The following MOV10 variants were observed in gnomAD, a reference collection of about 807,000 sequenced individuals.
MOV10 encodes Mov10 RNA helicase, also known as RNA helicase MOV-10.
Under a neutral mutation model 108.4 loss-of-function variants are expected in MOV10, and 39 were observed. The observed-to-expected ratio is 0.36, with a 90% confidence interval of 0.28 to 0.47. MOV10 has a LOEUF of 0.47. MOV10 is among the 20% of genes least tolerant of loss of function. The pLI is 1.00. For missense variants in MOV10, 952 were observed against 1,297.6 expected (o/e 0.73, Z 4.09); for synonymous variants, 490 against 523.1 (o/e 0.94, Z 0.86).
chr1:112,678,840 T>C (rs1017924774), intron 2 of MOV10, among the ~76,000 whole-genome samples: 3 of 152,058 alleles, frequency 2.0e-5, no homozygotes, highest in African/African-American at 7.3e-5. Flanking sequence ...AAGATCATTC[T>C]GGCTTCTGGC....
rs1425545378 is a variant in MOV10 at position 112,696,788 on chromosome 1, A to G, written c.2140A>G (p.Lys714Glu). 6.2e-7 allele frequency: 1 copy of G among 1,606,374 alleles called. No homozygotes were observed. The highest frequency in any genetic ancestry group is 2.2e-5 in the East Asian group (1 of 44,734). ...ERLLTYNSLY[K>E]KGPDGYDPQF... The stretch of plus-strand genomic sequence containing the variant: ...GCTGCTCACCTACAACTCCCTGTAC[A>G]AGAAGGGCCCTGATGGCTATGACCC... Residue 714 changes from lysine to glutamate, a missense_variant, in exon 14 of 21, where the codon AAG (lysine) becomes GAG (glutamate). Around this residue, in one of 5 missense-constraint regions of MOV10, gnomAD observed 453 missense variants for 611.5 expected, o/e 0.74. Transcript: ENST00000369645.
chr1:112,684,348 A>G (rs966170487), intron 2 of MOV10, among the ~76,000 whole-genome samples: 3 of 145,476 alleles, frequency 2.1e-5, no homozygotes, highest in African/African-American at 7.7e-5. Flanking sequence ...GCTCACTGCA[A>G]CCTCCGCCTC....
Position 112,696,129 on chromosome 1 carries a change from G to C in MOV10, c.1780-19G>C, listed in dbSNP as rs759514897. ...GAGTGGAGCCAAGCTGATTCCTCTG[G>C]TCCCTTCACAATCCACAGCCCTGCT... On this transcript the variant is annotated intron_variant, in intron 11 of 20. Transcript: ENST00000369645. 1 of 1,563,586 alleles carries C rather than the reference G, an allele frequency of 6.4e-7. No homozygotes were observed. Among genetic ancestry groups the C allele is most frequent in the African/African-American group, 1.4e-5 (1 of 73,932 alleles).
intron 6 of MOV10, 141 bp from the exon 7 acceptor site, chr1:112,692,620 T>G (rs781301878): frequency 1.1e-4 from 132 of 1,206,742 alleles, no homozygotes; most frequent in Non-Finnish European, 1.4e-4. Flanking sequence ...CTCATCCACT[T>G]CTGTATCCCT....
At chr1:112,678,998 A>G (rs777841523) in intron 2 of MOV10, among the ~76,000 whole-genome samples, 9 of 152,048 alleles carry the variant, frequency 5.9e-5, no homozygotes, top group Non-Finnish European at 1.0e-4. Flanking sequence ...TTTTTATTCT[A>G]TTTTATTTCA....
intron 5 of MOV10, among the ~76,000 whole-genome samples, chr1:112,691,195 G>A (rs1000672184): frequency 6.6e-6 from 1 of 152,190 alleles, no homozygotes; most frequent in Non-Finnish European, 1.5e-5. Context: ...TGAGGCAGGA[G>A]AATTGCTTGA....
In MOV10 at chr1:112,694,893, G is replaced by A; in HGVS notation, c.1617G>A (p.Lys539=). The A allele has an allele frequency of 6.2e-7, 1 of 1,613,978 alleles. No individual in the cohort carries two copies. Among genetic ancestry groups the A allele is most frequent in the Non-Finnish European group, 8.5e-7 (1 of 1,179,930 alleles). Residue 539 remains lysine (K), a synonymous_variant, in exon 10 of 21, where the codon AAG becomes AAA. Coordinates refer to ENST00000369645, the MANE Select transcript of MOV10 (RefSeq NM_001321324.2). This position sits in a 1 kb window ranked among gnomAD's most constrained non-coding sequence, Gnocchi z 4.1. The part of the protein sequence containing the change: ...GKTVTLVEAI[K]QVVKHLPKAH... ...CTGTCACGTTAGTGGAGGCAATTAA[G>A]CAGGTGGGGTCTGAGCACAAACCTG...
rs61742214 is a variant in MOV10, at chr1:112,696,446, G to A, written c.1893G>A (p.Ser631=). ...GCCTGACACCTCCCAGGTTGGTCTCGGCCCAGTTTCCCATTGATCACTTCA... is the reference window on the plus strand; with the variant it reads ...GCCTGACACCTCCCAGGTTGGTCTCAGCCCAGTTTCCCATTGATCACTTCA... ...TTLITAGRLV[S]AQFPIDHFTH... Residue 631 remains serine, a synonymous_variant, in exon 13 of 21, where the codon TCG becomes TCA. Coordinates refer to ENST00000369645, the MANE Select transcript of MOV10 (RefSeq NM_001321324.2). The A allele has an allele frequency of 2.9e-5, 47 of 1,613,878 alleles. No homozygotes were observed. The African/African-American group carries it at 3.1e-4, about 11-fold the overall frequency.
intron 2 of MOV10, 84 bp from the exon 3 acceptor site, chr1:112,688,851 C>T (rs1431812965): frequency 3.8e-6 from 6 of 1,592,234 alleles, no homozygotes; most frequent in South Asian, 1.1e-5. Flanking sequence ...ACAGAGTGAC[C>T]CTCCGATGCC....
intron 10 of MOV10, 61 bp from the exon 11 acceptor site, chr1:112,695,355 A>C: frequency 6.4e-7 from 1 of 1,570,100 alleles, no homozygotes; most frequent in South Asian, 1.2e-5. Context: ...GCCCTGCCCC[A>C]GCCTGGGTAC....
At chr1:112,698,851 A>G in intron 17 of MOV10, 62 bp downstream of exon 17, 2 of 1,422,424 alleles carry the variant, frequency 1.4e-6, no homozygotes, top group Non-Finnish European at 9.9e-7. Flanking sequence ...CCACTTCCAG[A>G]GACTTCCTCA....
intron 2 of MOV10, among the ~76,000 whole-genome samples, chr1:112,681,729 C>T (rs931805791): frequency 6.6e-6 from 1 of 152,052 alleles, no homozygotes; most frequent in Admixed American, 6.5e-5. Context: ...ATCCATCCCG[C>T]TATTCATTTA....
At chr1:112,699,096 C>A in intron 17 of MOV10, 1 of 366,648 alleles carries the variant, frequency 2.7e-6, no homozygotes, top group Non-Finnish European at 5.0e-6. Context: ...GCCACCCCCA[C>A]CCCCAGTAGC....
At chr1:112,677,753 A>G (rs1338731583) in intron 2 of MOV10, among the ~76,000 whole-genome samples, 1 of 152,114 alleles carries the variant, frequency 6.6e-6, no homozygotes, top group East Asian at 1.9e-4. Flanking sequence ...GTTAACTAAC[A>G]AGAGAATGGG....
In MOV10 at chr1:112,675,303, G is replaced by A. The variant is rs1672100429; in HGVS notation, c.137+254G>A. On this transcript the variant is annotated intron_variant, in intron 2 of 20. Transcript: ENST00000369645. This position sits in a 1 kb window ranked among gnomAD's most constrained non-coding sequence, Gnocchi z 4.7. ...CCGCGGAGAGCCTCCCGCGCTGCCC[G>A]CGCCCCCGGAGGCCGGAACCCGGGG... 6.6e-6 allele frequency among the ~76,000 whole-genome samples: 1 copy of A among 152,006 alleles called. No individual in the cohort carries two copies. The highest frequency in any genetic ancestry group is 1.5e-5 in the Non-Finnish European group (1 of 67,972).
Position 112,699,817 on chromosome 1 carries a change from G to C in MOV10, c.2709+7G>C. ...TTTCCTTAAGAACCCCAAGGTTTGA[G>C]GGCTGGTCGGGGTGGCAGGAATTCT... On this transcript the variant is annotated splice_region_variant and intron_variant, in intron 18 of 20. Coordinates refer to ENST00000369645, the MANE Select transcript of MOV10 (RefSeq NM_001321324.2). 1 of 1,614,158 alleles carries C rather than the reference G, an allele frequency of 6.2e-7. No homozygotes were observed. Among genetic ancestry groups the C allele is most frequent in the Non-Finnish European group, 8.5e-7 (1 of 1,179,998 alleles).
intron 2 of MOV10, among the ~76,000 whole-genome samples, chr1:112,678,445 G>A (rs1672369907): frequency 6.6e-6 from 1 of 152,068 alleles, no homozygotes; most frequent in African/African-American, 2.4e-5. Flanking sequence ...AAGGAAGGAG[G>A]CAGCAGTTAG....
At position 112,698,080 on chromosome 1, in the gene MOV10, G is replaced by A; in HGVS notation, c.2285G>A (p.Arg762His). 5.0e-6 allele frequency: 8 copies of A among 1,614,146 alleles called. No homozygotes were observed. Among genetic ancestry groups the A allele is most frequent in the Non-Finnish European group, 6.8e-6 (8 of 1,180,030 alleles). ...QACADVVDRE[R>H]FCRWAGLPRQ... is the part of the protein sequence containing the mutation. ...TGTGCTGATGTCGTGGATCGAGAAC[G>A]CTTCTGCCGCTGGGCGGGCCTACCT... is the stretch of plus-strand genomic sequence containing the variant. The change falls in exon 15 of 21, where the codon CGC becomes CAC. Residue 762 changes from arginine (R) to histidine (H), a missense_variant. This residue lies in a region of MOV10 where 453 missense variants were observed against 611.5 expected (regional missense o/e 0.74). Transcript: ENST00000369645.
At chr1:112,693,877 G>A in intron 7 of MOV10, 141 bp from the exon 8 acceptor site, 1 of 642,240 alleles carries the variant, frequency 1.6e-6, no homozygotes, top group Non-Finnish European at 2.7e-6. Context: ...AAAGAGGGGT[G>A]CAGGGATAGC....
Sources: allele counts gnomAD v4.1 joint callset (sites outside exome capture counted in the v4.1 genomes callset), GRCh38; gene constraint gnomAD v4.1.1; regional missense constraint gnomAD v4.1.1; non-coding constraint Gnocchi (gnomAD v3.1); transcripts MANE v1.5; gene names NCBI Gene and HGNC (gene_info 2026-07-23, HGNC 2026-07-21).